The following PCDHGB6 variants were observed in gnomAD, a reference collection of about 807,000 sequenced individuals.
PCDHGB6 encodes protocadherin gamma subfamily B, 6.
In PCDHGB6, 51 loss-of-function variants were observed where a neutral mutation model predicts 59.1. The ratio of observed to expected loss-of-function variants is 0.86; its 90% CI spans 0.69 to 1.09. The LOEUF is 1.09. Among genes scored for constraint, PCDHGB6 ranks in the 50% least tolerant of loss-of-function variants. PCDHGB6 has a pLI of 0.00. For synonymous variants in PCDHGB6, 466 were observed against 495.1 expected, an observed-to-expected ratio of 0.94 and a Z score of 0.78; for missense variants, 1,148 against 1,205.1, an observed-to-expected ratio of 0.95 and a Z score of 0.70.
At position 141,486,266 on chromosome 5, in the gene PCDHGB6, C is replaced by A; in HGVS notation, c.2419-8541C>A. On this transcript the variant is annotated intron_variant, in intron 1 of 3. Coordinates refer to ENST00000520790, the MANE Select transcript of PCDHGB6 (RefSeq NM_018926.3). The surrounding 1 kb of genome is among the most constrained non-coding windows in gnomAD (Gnocchi z 5.0). ...TGGAACCCTCCCCGAGAGTGCAGAA[C>A]CTGGCACTGTGGTGGCACTTATCAG... The A allele has an allele frequency of 1.9e-6, 3 of 1,614,098 alleles. No homozygotes were observed. Among genetic ancestry groups the A allele is most frequent in the Admixed American group, 3.3e-5 (2 of 60,016 alleles).
chr5:141,426,394 A>G (rs1353766048), intron 1 of PCDHGB6: 1 of 258,122 alleles, frequency 3.9e-6, no homozygotes, highest in African/African-American at 2.2e-5. Flanking sequence ...CCGCTACTCT[A>G]TTCCAGAAGA....
chr5:141,491,414 G>T lies in PCDHGB6; in HGVS notation c.2419-3393G>T, dbSNP rs137987971. ...CTTCAGGGAAACGCAGACGGGGACGGGGGTGGAGGGCAGTGCTGCAGGCGC... is the reference window on the plus strand; with the variant it reads ...CTTCAGGGAAACGCAGACGGGGACGTGGGTGGAGGGCAGTGCTGCAGGCGC... On this transcript the variant is annotated intron_variant, in intron 1 of 3. Coordinates refer to ENST00000520790, the MANE Select transcript of PCDHGB6 (RefSeq NM_018926.3). The surrounding 1 kb of genome is among the most constrained non-coding windows in gnomAD (Gnocchi z 6.9). 1.9e-6 allele frequency: 3 copies of T among 1,614,008 alleles called. No homozygotes were observed. Among genetic ancestry groups the T allele is most frequent in the Non-Finnish European group, 2.5e-6 (3 of 1,180,030 alleles).
At chr5:141,503,178 T>C (rs988629461) in intron 2 of PCDHGB6, among the ~76,000 whole-genome samples, 56 of 151,998 alleles carry the variant, frequency 3.7e-4, no homozygotes, top group African/African-American at 1.3e-3. Flanking sequence ...TACTCTATTG[T>C]GTAATTATTT....
At chr5:141,473,853 C>T (rs2099329853) in intron 1 of PCDHGB6, among the ~76,000 whole-genome samples, 1 of 152,128 alleles carries the variant, frequency 6.6e-6, no homozygotes, top group Non-Finnish European at 1.5e-5. Flanking sequence ...GGAAGATGAA[C>T]CTCGCTATTG....
chr5:141,415,755 T>C (rs753465209), intron 1 of PCDHGB6: 19 of 1,387,632 alleles, frequency 1.4e-5, no homozygotes, highest in Middle Eastern at 2.6e-4. Flanking sequence ...TTTTTTTTTT[T>C]TTTTTTTTTT....
chr5:141,490,454 C>T lies in PCDHGB6; in HGVS notation c.2419-4353C>T. The T allele has an allele frequency of 3.1e-6, 5 of 1,614,176 alleles. No homozygotes were observed. The highest frequency in any genetic ancestry group is 4.2e-6 in the Non-Finnish European group (5 of 1,180,020). On this transcript the variant is annotated intron_variant, in intron 1 of 3. Transcript: ENST00000520790. The surrounding 1 kb of genome is among the most constrained non-coding windows in gnomAD (Gnocchi z 5.4). The stretch of plus-strand genomic sequence containing the variant: ...ATTAAGCCTTCTGAGAACCACTACT[C>T]GCTGCTAACCAGCCAGCCTTTGGAC...
intron 1 of PCDHGB6, chr5:141,423,675 T>C: frequency 1.3e-6 from 2 of 1,540,488 alleles, no homozygotes; most frequent in Non-Finnish European, 1.7e-6. Flanking sequence ...GATTTATTTC[T>C]CTGCCTCCTA....
chr5:141,418,434 C>T, intron 1 of PCDHGB6: 5 of 1,613,944 alleles, frequency 3.1e-6, no homozygotes, highest in Non-Finnish European at 4.2e-6. Context: ...GGCAAATATC[C>T]AGAATTAGTA....
Position 141,409,516 on chromosome 5 carries a change from C to T in PCDHGB6, c.1314C>T (p.Ile438=), listed in dbSNP as rs1303826331. 6 of 1,614,006 alleles carry T rather than the reference C, an allele frequency of 3.7e-6. No homozygotes were observed. Among genetic ancestry groups the T allele is most frequent in the South Asian group, 1.1e-5 (1 of 91,088 alleles). ...CGCCTCTTTCTTCCAGTAGAAGCAT[C>T]ACCTTGTATGTCGCTGACATCAACG... is the stretch of plus-strand genomic sequence containing the variant. ...GKPPLSSSRS[I]TLYVADINDN... The change falls in exon 1 of 4, where the codon ATC becomes ATT. Residue 438 remains isoleucine (I), a synonymous_variant. Transcript: ENST00000520790.
chr5:141,482,248 C>G (rs1056466272), intron 1 of PCDHGB6, among the ~76,000 whole-genome samples: 1 of 152,084 alleles, frequency 6.6e-6, no homozygotes, highest in African/African-American at 2.4e-5. Context: ...AAGTATAGTA[C>G]TGTACATATT....
At chr5:141,458,081 G>A (rs765008628) in intron 1 of PCDHGB6, among the ~76,000 whole-genome samples, 62 of 152,186 alleles carry the variant, frequency 4.1e-4, no homozygotes, top group East Asian at 1.9e-4. Flanking sequence ...CTATATTGCC[G>A]TAAGTTAAGA....
At chr5:141,413,804 C>G in intron 1 of PCDHGB6, 1 of 1,613,194 alleles carries the variant, frequency 6.2e-7, no homozygotes, top group Non-Finnish European at 8.5e-7. Context: ...GAGGAAGAGG[C>G]CATTCACCAC....
At chr5:141,436,611 C>T (rs893312137) in intron 1 of PCDHGB6, among the ~76,000 whole-genome samples, 1 of 152,126 alleles carries the variant, frequency 6.6e-6, no homozygotes, top group Non-Finnish European at 1.5e-5. Context: ...CTAGGGCTAA[C>T]AAAAATCTGA....
intron 1 of PCDHGB6, among the ~76,000 whole-genome samples, chr5:141,449,869 T>G (rs1003364964): frequency 6.6e-6 from 1 of 151,924 alleles, no homozygotes; most frequent in African/African-American, 2.4e-5. Flanking sequence ...ATCAGAAAAT[T>G]TAACATCAAT....
chr5:141,483,350 G>C (rs2099580423), intron 1 of PCDHGB6, among the ~76,000 whole-genome samples: 4 of 152,172 alleles, frequency 2.6e-5, no homozygotes, highest in Admixed American at 1.3e-4. Flanking sequence ...CTTTGCAATA[G>C]TTTGAAAGCT....
chr5:141,423,630 T>C, intron 1 of PCDHGB6: 1 of 1,603,994 alleles, frequency 6.2e-7, no homozygotes, highest in Non-Finnish European at 8.5e-7. Flanking sequence ...CAGCTATCAT[T>C]TTAGGCAAAT....
chr5:141,474,626 G>A (rs1006911535), intron 1 of PCDHGB6, among the ~76,000 whole-genome samples: 5 of 152,288 alleles, frequency 3.3e-5, no homozygotes, highest in African/African-American at 9.6e-5. Flanking sequence ...CATCTCTTCC[G>A]GAAATATCCT....
chr5:141,481,913 CAAAAAAAA>C (rs34114744), intron 1 of PCDHGB6, among the ~76,000 whole-genome samples: 1 of 90,852 alleles, frequency 1.1e-5, no homozygotes, highest in African/African-American at 4.2e-5. Flanking sequence ...AACTCCATCT[CAAAAAAAA>C]AAAAAAAAAA....
chr5:141,414,900 T>C (rs1402776790), intron 1 of PCDHGB6: 5 of 1,614,170 alleles, frequency 3.1e-6, no homozygotes, highest in Middle Eastern at 1.6e-4. Flanking sequence ...CCACAGACGG[T>C]TCCACAGGCG....
Sources: gnomAD v4.1 joint callset for allele counts (sites outside exome capture counted in the v4.1 genomes callset) on GRCh38, gnomAD v4.1.1 for gene constraint, Gnocchi (gnomAD v3.1) non-coding constraint, MANE v1.5 for transcripts, NCBI Gene and HGNC (gene_info 2026-07-23, HGNC 2026-07-21) for gene names.